PAH: variants seen among roughly 807,000 people sequenced by gnomAD.
PAH encodes the protein phenylalanine-4-hydroxylase.
In PAH, 64 loss-of-function variants were observed where a neutral mutation model predicts 62.0. That is an observed-to-expected ratio of 1.03 (90% CI 0.84 to 1.27). The LOEUF (loss-of-function observed/expected upper bound fraction) is 1.27, where lower values mean the gene tolerates loss of function less well. PAH is among the 50% of genes most tolerant of loss of function. The pLI is 0.00. For missense variants in PAH, 579 were observed against 542.8 expected (o/e 1.07, Z -0.66); for synonymous variants, 195 against 196.2 (o/e 0.99, Z 0.05).
At position 102,957,553 on chromosome 12, in the gene PAH, G is replaced by T. The variant is rs112508173; in HGVS notation, c.-96+642C>A. 1 of 149,006 alleles carries T rather than the reference G, an allele frequency of 6.7e-6. No homozygotes were observed. Among genetic ancestry groups the T allele is most frequent in the Non-Finnish European group, 1.5e-5 (1 of 66,676 alleles). The allele number at this position is 149,006 out of a possible 1,614,324, so 9.2% of individuals were successfully genotyped here. On this transcript the variant is annotated intron_variant, in intron 1 of 4. Coordinates refer to the PAH transcript ENST00000551337. This position sits in a 1 kb window ranked among gnomAD's most constrained non-coding sequence, Gnocchi z 4.1. ...TGGGTGGGAGGAAGAGGTAAGAGGA[G>T]GGGGGGGAGTGGGGGCTGCAGCCGC...
At chr12:102,887,976 C>G (rs918967185) in intron 3 of PAH, among the ~76,000 whole-genome samples, 4 of 152,250 alleles carry the variant, frequency 2.6e-5, no homozygotes, top group African/African-American at 9.6e-5. Flanking sequence ...TATTCCCAGT[C>G]TAAATTTTTC....
chr12:102,955,061 T>G (rs1593010269), upstream of PAH, among the ~76,000 whole-genome samples: 1 of 152,052 alleles, frequency 6.6e-6, no homozygotes, highest in East Asian at 1.9e-4. Context: ...GTTCTGGCGG[T>G]TTTGGCCAGA....
chr12:102,867,320 G>C (rs928065892), intron 4 of PAH, among the ~76,000 whole-genome samples: 2 of 152,160 alleles, frequency 1.3e-5, no homozygotes, highest in African/African-American at 4.8e-5. Context: ...CAGGGGCCTA[G>C]CTAACTGAGA....
At chr12:102,889,849 G>C (rs1877204770) in intron 3 of PAH, among the ~76,000 whole-genome samples, 2 of 152,152 alleles carry the variant, frequency 1.3e-5, no homozygotes, top group South Asian at 4.1e-4. Context: ...ATGTCATGCA[G>C]TCGACTCAAA....
At chr12:102,904,637 A>C (rs192249403) in intron 2 of PAH, 423 of 319,356 alleles carry the variant, frequency 1.3e-3, no homozygotes, top group Non-Finnish European at 1.9e-3. Context: ...CACTGCTCTA[A>C]AGTATAGTCT....
intron 1 of PAH, among the ~76,000 whole-genome samples, chr12:102,943,574 G>C (rs1043512558): frequency 6.6e-6 from 1 of 151,930 alleles, no homozygotes; most frequent in African/African-American, 2.4e-5. Flanking sequence ...TATACCCAAA[G>C]GAATATAAAT....
intron 2 of PAH, among the ~76,000 whole-genome samples, chr12:102,899,589 G>T (rs1877652542): frequency 6.6e-6 from 1 of 152,016 alleles, no homozygotes; most frequent in Admixed American, 6.5e-5. Context: ...GCCGGGCGCG[G>T]TGGCTCACGC....
intron 1 of PAH, among the ~76,000 whole-genome samples, chr12:102,927,808 CA>C (rs1417470759): frequency 2.0e-5 from 3 of 152,048 alleles, no homozygotes; most frequent in South Asian, 2.1e-4. Flanking sequence ...AAAAAACAAA[CA>C]AACAAAAACC....
chr12:102,894,931 A>C lies in PAH; in HGVS notation c.169-13T>G, dbSNP rs62507341. 4 of 1,607,122 alleles carry C rather than the reference A, an allele frequency of 2.5e-6. No individual in the cohort carries two copies. The highest frequency in any genetic ancestry group is 3.4e-6 in the Non-Finnish European group (4 of 1,175,062). On this transcript the variant is annotated splice_polypyrimidine_tract_variant and intron_variant, in intron 2 of 12. Transcript: ENST00000553106. Reference sequence around the variant, plus strand: ...TTACATCATTCTCCTAGAAGAGAGAATGGGGAGGGTGAGGAGACAGTCACT... The same window carrying C: ...TTACATCATTCTCCTAGAAGAGAGACTGGGGAGGGTGAGGAGACAGTCACT...
At chr12:102,843,506 G>A (rs1565842026) in intron 11 of PAH, 140 bp downstream of exon 11, 1 of 856,110 alleles carries the variant, frequency 1.2e-6, no homozygotes, top group Non-Finnish European at 1.9e-6. Context: ...AAGGAGGGTG[G>A]AGAACATGGG....
chr12:102,866,480 C>A, intron 5 of PAH, 116 bp downstream of exon 5: 1 of 818,296 alleles, frequency 1.2e-6, no homozygotes, highest in Non-Finnish European at 2.2e-6. Context: ...CATGCACACA[C>A]AGAAGGCAGG....
intron 3 of PAH, among the ~76,000 whole-genome samples, chr12:102,884,285 G>A (rs1444373575): frequency 1.3e-5 from 2 of 152,204 alleles, no homozygotes; most frequent in Non-Finnish European, 1.5e-5. Context: ...GGGTGTTGGG[G>A]ACTGGGGGTC....
At chr12:102,867,772 T>C (rs1876040802) in intron 4 of PAH, among the ~76,000 whole-genome samples, 1 of 151,438 alleles carries the variant, frequency 6.6e-6, no homozygotes, top group African/African-American at 2.4e-5. Flanking sequence ...TTTGGTTGCT[T>C]GATTGGTTGA....
chr12:102,920,860 T>A (rs1878533288), upstream of PAH, among the ~76,000 whole-genome samples: 1 of 152,186 alleles, frequency 6.6e-6, no homozygotes, highest in Admixed American at 6.6e-5. Context: ...TCTAGTTCTT[T>A]GCTTTTCTAA....
upstream of PAH, among the ~76,000 whole-genome samples, chr12:102,918,247 G>A (rs893002033): frequency 6.6e-6 from 1 of 152,118 alleles, no homozygotes; most frequent in African/African-American, 2.4e-5. Context: ...CTGACCAGGA[G>A]GTAAAACAAA....
At chr12:102,927,726 G>A (rs1878725831) in intron 1 of PAH, among the ~76,000 whole-genome samples, 1 of 152,064 alleles carries the variant, frequency 6.6e-6, no homozygotes, top group African/African-American at 2.4e-5. Flanking sequence ...AATAATTACT[G>A]ATAAAAGATA....
At chr12:102,921,458 A>T (rs1404186417), upstream of PAH, among the ~76,000 whole-genome samples, 1 of 152,176 alleles carries the variant, frequency 6.6e-6, no homozygotes, top group Non-Finnish European at 1.5e-5. Flanking sequence ...ATTGCCTCCC[A>T]ATGTGTCACT....
intron 7 of PAH, 33 bp downstream of exon 7, chr12:102,852,782 C>T (rs777554735): frequency 6.8e-6 from 11 of 1,613,634 alleles, no homozygotes; most frequent in Admixed American, 5.0e-5. Context: ...GCTCATTGTG[C>T]CTGGCAACTG....
chr12:102,890,303 G>T (rs1447599076), intron 3 of PAH, among the ~76,000 whole-genome samples: 2 of 152,144 alleles, frequency 1.3e-5, no homozygotes, highest in Non-Finnish European at 2.9e-5. Flanking sequence ...TCCGGAGAAA[G>T]AATCAAAGGT....
Sources: allele counts gnomAD v4.1 joint callset (sites outside exome capture counted in the v4.1 genomes callset), GRCh38; gene constraint gnomAD v4.1.1; non-coding constraint Gnocchi (gnomAD v3.1); transcripts MANE v1.5; gene names NCBI Gene and HGNC (gene_info 2026-07-23, HGNC 2026-07-21).